The following AGTPBP1 variants were observed in gnomAD, a reference collection of about 807,000 sequenced individuals.
The protein encoded by AGTPBP1 is cytosolic carboxypeptidase 1.
Under a neutral mutation model 143.9 loss-of-function variants are expected in AGTPBP1, and 70 were observed. The ratio of observed to expected loss-of-function variants is 0.49; its 90% CI spans 0.40 to 0.59. AGTPBP1 has a LOEUF of 0.59. Ranked by LOEUF, AGTPBP1 falls within the 20% of genes least tolerant of loss-of-function variation. The pLI is 0.00. For missense variants in AGTPBP1, 1,229 were observed against 1,464.5 expected (o/e 0.84, Z 2.62); for synonymous variants, 463 against 500.2 (o/e 0.93, Z 0.99).
At chr9:85,631,064 G>A (rs1160940524) in intron 14 of AGTPBP1, among the ~76,000 whole-genome samples, 1 of 152,174 alleles carries the variant, frequency 6.6e-6, no homozygotes, top group Admixed American at 6.5e-5. Flanking sequence ...ATCACTTGTT[G>A]TCAAAATGGT....
chr9:85,625,899 G>GTTTT (rs1332792274), intron 14 of AGTPBP1, among the ~76,000 whole-genome samples: 2 of 66,322 alleles, frequency 3.0e-5, no homozygotes, highest in African/African-American at 1.5e-4. Flanking sequence ...AAAAAACCTA[G>GTTTT]TTTTGTTTTT....
chr9:85,743,093 C>T (rs1824478574), upstream of AGTPBP1, among the ~76,000 whole-genome samples: 1 of 152,196 alleles, frequency 6.6e-6, no homozygotes, highest in Non-Finnish European at 1.5e-5. Flanking sequence ...AGATAGGTTA[C>T]GGTATTTAAA....
rs368484356 is a variant in AGTPBP1, at chr9:85,697,445, G to T, written c.33-4632C>A. On this transcript the variant is annotated intron_variant, in intron 2 of 25. Transcript: ENST00000357081. ...AATTATGGGTCTTAATTTGTTTTTT[G>T]TTTTTTTTTTTTTTTTTTTTTTTTT... 5.0e-3 allele frequency among the ~76,000 whole-genome samples: 328 copies of T among 65,038 alleles called. 5 individuals are homozygous for T. Among genetic ancestry groups the T allele is most frequent in the African/African-American group, 0.015 (234 of 15,326 alleles). 42.7% of individuals were successfully genotyped at this position (65,038 alleles called of 152,430 possible).
chr9:85,642,542 C>T (rs972190826), intron 13 of AGTPBP1, among the ~76,000 whole-genome samples: 7 of 151,660 alleles, frequency 4.6e-5, no homozygotes, highest in Non-Finnish European at 1.5e-5. Context: ...CTCTGTTGGC[C>T]AGGATGATCT....
At chr9:85,584,898 ATAT>A (rs1828509978) in intron 23 of AGTPBP1, among the ~76,000 whole-genome samples, 1 of 152,238 alleles carries the variant, frequency 6.6e-6, no homozygotes, top group African/African-American at 2.4e-5. Context: ...GCAATGTTAC[ATAT>A]TATTATAATA....
chr9:85,643,008 TTAG>T (rs1220550319), intron 12 of AGTPBP1, 65 bp from the exon 13 acceptor site: 10 of 1,062,266 alleles, frequency 9.4e-6, no homozygotes, highest in Non-Finnish European at 1.4e-5. Context: ...AGAAAACATT[TTAG>T]ATTTAAAATG....
intron 13 of AGTPBP1, among the ~76,000 whole-genome samples, chr9:85,640,906 G>A (rs886235129): frequency 2.0e-5 from 3 of 152,170 alleles, no homozygotes; most frequent in African/African-American, 7.2e-5. Context: ...CATGGTTTCA[G>A]TACTGGAGGT....
intron 1 of AGTPBP1, among the ~76,000 whole-genome samples, chr9:85,737,839 G>T (rs56682403): frequency 0.047 from 7,080 of 152,114 alleles, 188 homozygotes; most frequent in Middle Eastern, 0.068. Flanking sequence ...CACAATTATC[G>T]GAAAAGGCTA....
At chr9:85,695,712 C>T (rs185878199) in intron 2 of AGTPBP1, among the ~76,000 whole-genome samples, 7 of 152,256 alleles carry the variant, frequency 4.6e-5, no homozygotes, top group African/African-American at 1.4e-4. Context: ...AAAATACATG[C>T]AACTGTCTGA....
the AGTPBP1 span, among the ~76,000 whole-genome samples, chr9:85,749,557 T>C: frequency 6.6e-6 from 1 of 152,194 alleles, no homozygotes; most frequent in East Asian, 1.9e-4. Flanking sequence ...AACTTCTGCA[T>C]AGGTTCTCTT....
At chr9:85,612,720 G>A (rs1045176317) in intron 17 of AGTPBP1, among the ~76,000 whole-genome samples, 1 of 152,092 alleles carries the variant, frequency 6.6e-6, no homozygotes, top group Non-Finnish European at 1.5e-5. Flanking sequence ...AATCCTTGAG[G>A]TCTGCACTAA....
the AGTPBP1 span, among the ~76,000 whole-genome samples, chr9:85,774,466 T>C: frequency 0.011 from 1,750 of 152,318 alleles, 21 homozygotes; most frequent in African/African-American, 0.038. Flanking sequence ...CTGGTTATAA[T>C]TGTCAGTTGA....
At chr9:85,738,213 TCAA>T (rs1284935698) in intron 1 of AGTPBP1, among the ~76,000 whole-genome samples, 1 of 152,162 alleles carries the variant, frequency 6.6e-6, no homozygotes, top group Non-Finnish European at 1.5e-5. Flanking sequence ...TTGGGGATCC[TCAA>T]CAACTTTTAA....
At chr9:85,681,151 GTATA>G in intron 4 of AGTPBP1, 113 bp downstream of exon 4, 1 of 864,466 alleles carries the variant, frequency 1.2e-6, no homozygotes, top group Non-Finnish European at 1.8e-6. Context: ...ACGTGTGTGT[GTATA>G]TATGTACGTG....
the AGTPBP1 span, among the ~76,000 whole-genome samples, chr9:85,805,129 G>C: frequency 6.6e-6 from 1 of 152,134 alleles, no homozygotes; most frequent in East Asian, 1.9e-4. Context: ...GGCCCCCGTA[G>C]CTCCCTTTCT....
intron 17 of AGTPBP1, 104 bp from the exon 18 acceptor site, chr9:85,596,553 T>C: frequency 2.9e-6 from 2 of 694,816 alleles, no homozygotes; most frequent in Middle Eastern, 4.1e-4. Flanking sequence ...AAAGCAGAAG[T>C]AAATTACATT....
intron 2 of AGTPBP1, among the ~76,000 whole-genome samples, chr9:85,701,937 GAGT>G (rs1465974418): frequency 7.9e-5 from 12 of 152,330 alleles, no homozygotes; most frequent in African/African-American, 2.6e-4. Flanking sequence ...TTGTTCAAGA[GAGT>G]TTTAAATTGA....
intron 13 of AGTPBP1, among the ~76,000 whole-genome samples, chr9:85,640,706 A>G (rs1006307726): frequency 1.4e-5 from 2 of 138,886 alleles, no homozygotes; most frequent in Admixed American, 7.1e-5. Flanking sequence ...ATTAGAAAAC[A>G]GGGAATCTAA....
At chr9:85,643,404 G>C (rs1832619459) in intron 12 of AGTPBP1, among the ~76,000 whole-genome samples, 1 of 152,172 alleles carries the variant, frequency 6.6e-6, no homozygotes, top group Non-Finnish European at 1.5e-5. Flanking sequence ...GTACGGAGAA[G>C]TTAAGCCATT....
Sources: allele counts gnomAD v4.1 joint callset (sites outside exome capture counted in the v4.1 genomes callset), GRCh38; gene constraint gnomAD v4.1.1; transcripts MANE v1.5; gene names NCBI Gene and HGNC (gene_info 2026-07-23, HGNC 2026-07-21).